Variants in PPP2R2B observed in about 807,000 individuals in gnomAD.
PPP2R2B encodes the protein serine/threonine-protein phosphatase 2A 55 kDa regulatory subunit B beta isoform.
PPP2R2B carries 5 observed loss-of-function variants against 46.0 expected under a neutral mutation model. That is an observed-to-expected ratio of 0.11 (90% confidence interval 0.06 to 0.23). The LOEUF (loss-of-function observed/expected upper bound fraction) is 0.23. Ranked by LOEUF, PPP2R2B falls within the 10% of genes least tolerant of loss-of-function variation. The pLI is 1.00. For synonymous variants in PPP2R2B, 215 were observed against 206.7 expected (o/e 1.04, Z -0.34); for missense variants, 367 against 575.0 (o/e 0.64, Z 3.70).
chr5:146,887,997 G>C (rs1466799606), intron 1 of PPP2R2B, among the ~76,000 whole-genome samples: 2 of 152,070 alleles, frequency 1.3e-5, no homozygotes, highest in Admixed American at 6.5e-5. Context: ...ATGCAATTGA[G>C]TACTCTCTCC....
intron 2 of PPP2R2B, among the ~76,000 whole-genome samples, chr5:146,777,440 A>G (rs893762102): frequency 2.0e-5 from 3 of 152,182 alleles, no homozygotes; most frequent in Non-Finnish European, 4.4e-5. Flanking sequence ...GATAGAATAT[A>G]TAGTAGAGGT....
intron 1 of PPP2R2B, among the ~76,000 whole-genome samples, chr5:146,920,993 G>A (rs1763584744): frequency 6.6e-6 from 1 of 152,102 alleles, no homozygotes; most frequent in Non-Finnish European, 1.5e-5. Context: ...TTTCTGCCTG[G>A]GCAGACCAAA....
At chr5:146,737,539 C>G (rs992907966) in intron 2 of PPP2R2B, among the ~76,000 whole-genome samples, 1 of 152,166 alleles carries the variant, frequency 6.6e-6, no homozygotes, top group Non-Finnish European at 1.5e-5. Context: ...TGCAGAAGAG[C>G]TGGGATTTGA....
At chr5:146,930,052 G>A (rs1763917199) in intron 1 of PPP2R2B, among the ~76,000 whole-genome samples, 2 of 152,152 alleles carry the variant, frequency 1.3e-5, no homozygotes, top group Non-Finnish European at 2.9e-5. Flanking sequence ...GCAGAAGACA[G>A]ACTAGAAACG....
At chr5:146,999,930 T>C (rs1047393554) in intron 1 of PPP2R2B, among the ~76,000 whole-genome samples, 7 of 152,092 alleles carry the variant, frequency 4.6e-5, no homozygotes, top group Admixed American at 2.6e-4. Context: ...CCTAGAAGCT[T>C]TGTTCAAATA....
At chr5:146,808,978 T>C (rs1195628116) in intron 2 of PPP2R2B, among the ~76,000 whole-genome samples, 7 of 150,402 alleles carry the variant, frequency 4.7e-5, no homozygotes. Flanking sequence ...TGTGTGTGTG[T>C]GTGTGTGTGT....
At chr5:146,608,582 G>A (rs1772530616) in intron 7 of PPP2R2B, among the ~76,000 whole-genome samples, 1 of 152,166 alleles carries the variant, frequency 6.6e-6, no homozygotes, top group South Asian at 2.1e-4. Flanking sequence ...AGATCACGAA[G>A]TCAGGAGCTC....
At chr5:146,853,228 G>A (rs945257997) in intron 2 of PPP2R2B, among the ~76,000 whole-genome samples, 3 of 152,122 alleles carry the variant, frequency 2.0e-5, no homozygotes, top group Non-Finnish European at 4.4e-5. Context: ...TCAAGAAATG[G>A]CAGCCCATAT....
chr5:146,965,476 A>G (rs1243870901), intron 1 of PPP2R2B, among the ~76,000 whole-genome samples: 1 of 151,986 alleles, frequency 6.6e-6, no homozygotes, highest in Non-Finnish European at 1.5e-5. Context: ...CCTCTCTGTG[A>G]CTTGTTTTTT....
At chr5:146,929,400 T>C (rs1763893435) in intron 1 of PPP2R2B, among the ~76,000 whole-genome samples, 1 of 152,168 alleles carries the variant, frequency 6.6e-6, no homozygotes, top group South Asian at 2.1e-4. Flanking sequence ...GCAGTGGTTC[T>C]ATGGTTCTGA....
At chr5:146,925,751 C>T (rs780505588) in intron 1 of PPP2R2B, among the ~76,000 whole-genome samples, 1 of 152,056 alleles carries the variant, frequency 6.6e-6, no homozygotes, top group Non-Finnish European at 1.5e-5. Flanking sequence ...CTCTTCTCTC[C>T]TTCCGACATT....
At chr5:146,781,449 C>T (rs545683356) in intron 2 of PPP2R2B, among the ~76,000 whole-genome samples, 11 of 151,722 alleles carry the variant, frequency 7.3e-5, no homozygotes, top group East Asian at 5.8e-4. Context: ...TGTAGTCACT[C>T]GACCACCTGG....
chr5:146,864,396 C>CAA (rs34780019), intron 2 of PPP2R2B, among the ~76,000 whole-genome samples: 521 of 31,324 alleles, frequency 0.017, 100 homozygotes, highest in African/African-American at 0.023. Context: ...TAGTATTAAC[C>CAA]AAAAAAAAAA....
At chr5:147,019,023 G>T (rs1193514680) in intron 1 of PPP2R2B, among the ~76,000 whole-genome samples, 1 of 152,140 alleles carries the variant, frequency 6.6e-6, no homozygotes, top group African/African-American at 2.4e-5. Flanking sequence ...ATTACTGCAA[G>T]ATCATAATTC....
chr5:146,852,863 G>C (rs1260178232), intron 2 of PPP2R2B, among the ~76,000 whole-genome samples: 1 of 152,156 alleles, frequency 6.6e-6, no homozygotes, highest in Non-Finnish European at 1.5e-5. Flanking sequence ...AGCGGAGGCA[G>C]AGTAGAGAGT....
At chr5:146,841,943 GA>G (rs1759675402) in intron 2 of PPP2R2B, among the ~76,000 whole-genome samples, 1 of 151,954 alleles carries the variant, frequency 6.6e-6, no homozygotes, top group Non-Finnish European at 1.5e-5. Flanking sequence ...AAAATATAAA[GA>G]AAAAAGAGAT....
intron 2 of PPP2R2B, among the ~76,000 whole-genome samples, chr5:146,872,380 T>A (rs911952709): frequency 6.6e-6 from 1 of 152,258 alleles, no homozygotes; most frequent in African/African-American, 2.4e-5. Context: ...TTCATCCATA[T>A]GCATTGGAAA....
rs1368918544 is a variant in PPP2R2B at position 147,048,191 on chromosome 5, T to G, written c.79+7474A>C. ...CTGTATACCTTAAAGAATAGATGAGTGTTTTTTATCTTTTAATTACCCATG... is the reference window on the plus strand; with the variant it reads ...CTGTATACCTTAAAGAATAGATGAGGGTTTTTTATCTTTTAATTACCCATG... On this transcript the variant is annotated intron_variant, in intron 1 of 8. Coordinates refer to the PPP2R2B transcript ENST00000336640. Among the ~76,000 whole-genome samples, 3 of 152,060 alleles carry G rather than the reference T, an allele frequency of 2.0e-5. No homozygotes were observed. In the South Asian group the frequency reaches 6.2e-4, roughly 32 times the overall value.
At chr5:146,738,802 A>C (rs1752697256) in intron 2 of PPP2R2B, among the ~76,000 whole-genome samples, 2 of 152,174 alleles carry the variant, frequency 1.3e-5, no homozygotes, top group African/African-American at 4.8e-5. Context: ...GAGAACAATA[A>C]AACTAATTAT....
Sources: allele counts gnomAD v4.1 joint callset (sites outside exome capture counted in the v4.1 genomes callset), GRCh38; gene constraint gnomAD v4.1.1; transcripts MANE v1.5; gene names NCBI Gene and HGNC (gene_info 2026-07-23, HGNC 2026-07-21).